IFNGR1: variants seen among roughly 807,000 people sequenced by gnomAD.
IFNGR1 encodes the protein interferon gamma receptor 1.
In IFNGR1, 23 loss-of-function variants were observed where a neutral mutation model predicts 35.4. That is an observed-to-expected ratio of 0.65 (90% CI 0.47 to 0.92). The LOEUF is 0.92. Ranked by LOEUF, IFNGR1 falls within the 40% of genes least tolerant of loss-of-function variation. The probability of loss-of-function intolerance (pLI) is 0.00; values close to 1 mark genes in which losing one functional copy is unlikely to be tolerated. For synonymous variants in IFNGR1, 199 were observed against 209.5 expected, an observed-to-expected ratio of 0.95 and a Z score of 0.43; for missense variants, 533 against 583.4, an observed-to-expected ratio of 0.91 and a Z score of 0.89.
intron 1 of IFNGR1, among the ~76,000 whole-genome samples, chr6:137,210,647 T>C (rs1203298623): frequency 6.6e-6 from 1 of 152,168 alleles, no homozygotes; most frequent in Admixed American, 6.5e-5. Flanking sequence ...ATGATAATGA[T>C]GATGATTTAT....
chr6:137,206,043 A>G (rs1193612477), intron 3 of IFNGR1, 93 bp downstream of exon 3: 1 of 1,023,308 alleles, frequency 9.8e-7, no homozygotes, highest in African/African-American at 1.6e-5. Flanking sequence ...GCATTGTGAT[A>G]ATTTTCAGCA....
At chr6:137,212,136 A>G (rs1316431377) in intron 1 of IFNGR1, among the ~76,000 whole-genome samples, 1 of 152,194 alleles carries the variant, frequency 6.6e-6, no homozygotes, top group East Asian at 1.9e-4. Flanking sequence ...ACAGCTCCTC[A>G]GACATTCTCT....
chr6:137,211,716 A>C (rs1313144404), intron 1 of IFNGR1, among the ~76,000 whole-genome samples: 1 of 152,128 alleles, frequency 6.6e-6, no homozygotes, highest in African/African-American at 2.4e-5. Flanking sequence ...CTTCCTTAAG[A>C]GGGTCTTTTT....
At chr6:137,215,283 G>T in intron 1 of IFNGR1, 2 of 1,547,976 alleles carry the variant, frequency 1.3e-6, no homozygotes, top group African/African-American at 1.4e-5. Flanking sequence ...ATTTAAATTG[G>T]AATTGGAGAA....
chr6:137,202,878 C>T (rs1779318081), intron 5 of IFNGR1, among the ~76,000 whole-genome samples: 1 of 152,004 alleles, frequency 6.6e-6, no homozygotes, highest in Non-Finnish European at 1.5e-5. Flanking sequence ...AAAGAAAAGT[C>T]CAAACTTCTT....
chr6:137,199,332 A>ATTTATAATATAT (rs1779182922), intron 6 of IFNGR1, among the ~76,000 whole-genome samples: 1 of 129,382 alleles, frequency 7.7e-6, no homozygotes, highest in African/African-American at 3.0e-5. Flanking sequence ...ATAATTTATA[A>ATTTATAATATAT]TATATAATAT....
In IFNGR1 at chr6:137,216,648, G is replaced by C. The variant is rs571998826; in HGVS notation, c.85+2595C>G. Among the ~76,000 whole-genome samples, 61 of 152,286 alleles carry C rather than the reference G, an allele frequency of 4.0e-4. 1 individual carries two copies. In the South Asian group the frequency reaches 0.013, roughly 32 times the overall value. The stretch of plus-strand genomic sequence containing the variant: ...AGGCTGGGAAGCTAAGCAAGAGCCA[G>C]AGCATTGTTGGTTTCTTCCTACTTT... On this transcript the variant is annotated intron_variant, in intron 1 of 6. Coordinates refer to ENST00000367739, the MANE Select transcript of IFNGR1 (RefSeq NM_000416.3).
intron 1 of IFNGR1, chr6:137,215,127 C>G: frequency 8.6e-6 from 9 of 1,049,172 alleles, no homozygotes; most frequent in African/African-American, 1.6e-5. Flanking sequence ...GACAATGTTA[C>G]CATACATATT....
intron 1 of IFNGR1, chr6:137,218,534 A>G (rs1311669964): frequency 1.0e-5 from 13 of 1,288,034 alleles, no homozygotes; most frequent in Non-Finnish European, 1.3e-5. Context: ...CTCAGCTGCC[A>G]CTTACTTCTC....
chr6:137,204,921 ACT>A (rs1346740662), intron 3 of IFNGR1, among the ~76,000 whole-genome samples: 2 of 151,894 alleles, frequency 1.3e-5, no homozygotes, highest in Non-Finnish European at 2.9e-5. Context: ...CCTCATCAAA[ACT>A]CTTTTTACTG....
At position 137,207,531 on chromosome 6, in the gene IFNGR1, G is replaced by A. The variant is rs191479032; in HGVS notation, c.86-454C>T. ...CCAGAATTCCCATGTGTTGTGGCTTGGACCCAGGGAGAGGTAATTGAATCA... is the reference window on the plus strand; with the variant it reads ...CCAGAATTCCCATGTGTTGTGGCTTAGACCCAGGGAGAGGTAATTGAATCA... On this transcript the variant is annotated intron_variant, in intron 1 of 6. Transcript: ENST00000367739. Among the ~76,000 whole-genome samples the A allele has an allele frequency of 4.0e-3, 614 of 152,164 alleles. 5 individuals are homozygous for A. Among genetic ancestry groups the A allele is most frequent in the Middle Eastern group, 6.8e-3 (2 of 294 alleles).
Position 137,219,240 on chromosome 6 carries a change from T to C in IFNGR1, c.85+3A>G. ...GCCGCAGCCCTGCCGCGAACGACGGTACCTGAGGACGGCCCCAGATCCGCG... is the reference window on the plus strand; with the variant it reads ...GCCGCAGCCCTGCCGCGAACGACGGCACCTGAGGACGGCCCCAGATCCGCG... On this transcript the variant is annotated splice_donor_region_variant and intron_variant, in intron 1 of 6. Transcript: ENST00000367739. 1 of 1,608,208 alleles carries C rather than the reference T, an allele frequency of 6.2e-7. No homozygotes were observed. Among genetic ancestry groups the C allele is most frequent in the South Asian group, 1.1e-5 (1 of 89,770 alleles).
Position 137,198,559 on chromosome 6 carries a change from A to T in IFNGR1, c.942T>A (p.Phe314Leu). The T allele has an allele frequency of 6.2e-7, 1 of 1,613,928 alleles. No homozygotes were observed. The highest frequency in any genetic ancestry group is 8.5e-7 in the Non-Finnish European group (1 of 1,179,844). ...CACAGACCACCTCCTTTTCTAAGGAAAATGGCTGGTATGACGTGATGAGTG... is the reference window on the plus strand; with the variant it reads ...CACAGACCACCTCCTTTTCTAAGGATAATGGCTGGTATGACGTGATGAGTG... ...YVSLITSYQP[F>L]SLEKEVVCEE... The change falls in exon 7 of 7, where the codon TTT becomes TTA. Residue 314 changes from phenylalanine to leucine, a missense_variant. Coordinates refer to ENST00000367739, the MANE Select transcript of IFNGR1 (RefSeq NM_000416.3).
chr6:137,210,057 A>G, intron 1 of IFNGR1: 1 of 389,934 alleles, frequency 2.6e-6, no homozygotes, highest in Non-Finnish European at 4.5e-6. Flanking sequence ...CTAGTTATTA[A>G]AAGTAGTCAT....
intron 1 of IFNGR1, chr6:137,218,546 G>C: frequency 3.1e-6 from 4 of 1,287,456 alleles, no homozygotes; most frequent in South Asian, 1.2e-5. Flanking sequence ...TTACTTCTCA[G>C]CTGGCGACAT....
chr6:137,201,577 G>A (rs1779277620), intron 5 of IFNGR1, among the ~76,000 whole-genome samples: 1 of 152,234 alleles, frequency 6.6e-6, no homozygotes, highest in East Asian at 1.9e-4. Flanking sequence ...GGAGGCTGAG[G>A]CAGGAGAATC....
intron 1 of IFNGR1, among the ~76,000 whole-genome samples, chr6:137,211,134 T>C (rs868638860): frequency 5.3e-5 from 8 of 152,136 alleles, no homozygotes; most frequent in Admixed American, 1.3e-4. Flanking sequence ...GAGGTACTGC[T>C]GGCATCTAGA....
intron 1 of IFNGR1, among the ~76,000 whole-genome samples, chr6:137,211,783 T>C (rs1311429519): frequency 6.6e-6 from 1 of 152,210 alleles, no homozygotes; most frequent in Non-Finnish European, 1.5e-5. Context: ...TCACAATCCA[T>C]ATTTTAGGTA....
In IFNGR1 at chr6:137,206,194, C is replaced by G. The variant is rs1402033609; in HGVS notation, c.315G>C (p.Arg105Ser). 6.2e-7 allele frequency: 1 copy of G among 1,614,024 alleles called. No individual in the cohort carries two copies. The highest frequency in any genetic ancestry group is 1.1e-5 in the South Asian group (1 of 91,080). ...CATAGGCAGATTCTTTTTGTCCAACCCTGGCTTTAACTCTGACCCAAAGAG... is the reference window on the plus strand; with the variant it reads ...CATAGGCAGATTCTTTTTGTCCAACGCTGGCTTTAACTCTGACCCAAAGAG... ...SNSLWVRVKA[R>S]VGQKESAYAK... The change falls in exon 3 of 7, where the codon AGG (arginine) becomes AGC (serine). Residue 105 changes from arginine (R) to serine (S), a missense_variant. Coordinates refer to ENST00000367739, the MANE Select transcript of IFNGR1 (RefSeq NM_000416.3).
Sources: allele counts gnomAD v4.1 joint callset (sites outside exome capture counted in the v4.1 genomes callset), GRCh38; gene constraint gnomAD v4.1.1; transcripts MANE v1.5; gene names NCBI Gene and HGNC (gene_info 2026-07-23, HGNC 2026-07-21).